The following ARMC3 variants were observed in gnomAD, a reference collection of about 807,000 sequenced individuals.
The protein encoded by ARMC3 is armadillo repeat containing 3.
A neutral mutation model predicts 90.3 loss-of-function variants in ARMC3; 74 were observed. The ratio of observed to expected loss-of-function variants is 0.82; its 90% CI spans 0.68 to 0.99. The LOEUF (loss-of-function observed/expected upper bound fraction) is 0.99. Among genes scored for constraint, ARMC3 ranks in the 50% least tolerant of loss-of-function variants. ARMC3 has a pLI of 0.00. For missense variants in ARMC3, 958 were observed against 1,042.8 expected (o/e 0.92, Z 1.12); for synonymous variants, 334 against 361.8 (o/e 0.92, Z 0.87).
intron 4 of ARMC3, among the ~76,000 whole-genome samples, chr10:22,958,234 G>A (rs1835031817): frequency 6.6e-6 from 1 of 152,050 alleles, no homozygotes; most frequent in South Asian, 2.1e-4. Context: ...ACTTTAATTA[G>A]GCTGACAAAA....
At chr10:22,981,776 T>A in intron 10 of ARMC3, 76 bp downstream of exon 10, 1 of 1,230,494 alleles carries the variant, frequency 8.1e-7, no homozygotes, top group Non-Finnish European at 1.2e-6. Flanking sequence ...GTTAGTATAT[T>A]GACTTTCACG....
intron 6 of ARMC3, chr10:22,960,776 A>C (rs1447689214): frequency 6.6e-6 from 1 of 152,292 alleles, no homozygotes; most frequent in Non-Finnish European, 1.5e-5. Context: ...GGAGGCCAGA[A>C]GTCCAAAATC....
chr10:22,987,390 G>T (rs1034407257), intron 10 of ARMC3, among the ~76,000 whole-genome samples: 2 of 152,088 alleles, frequency 1.3e-5, no homozygotes, highest in African/African-American at 4.8e-5. Flanking sequence ...GTTGTTCCAA[G>T]AAGAAAAAGG....
intron 3 of ARMC3, among the ~76,000 whole-genome samples, chr10:22,947,805 G>A (rs1834593670): frequency 6.6e-6 from 1 of 152,010 alleles, no homozygotes; most frequent in Non-Finnish European, 1.5e-5. Context: ...AACTAACATT[G>A]TTGTAAAACA....
intron 16 of ARMC3, among the ~76,000 whole-genome samples, chr10:23,015,364 A>G (rs1340300909): frequency 6.6e-6 from 1 of 152,190 alleles, no homozygotes; most frequent in Non-Finnish European, 1.5e-5. Flanking sequence ...TCTTCACCGA[A>G]ACCAACATAT....
At chr10:22,958,553 C>T (rs888608950) in intron 4 of ARMC3, among the ~76,000 whole-genome samples, 4 of 152,142 alleles carry the variant, frequency 2.6e-5, no homozygotes, top group Admixed American at 6.5e-5. Flanking sequence ...AAGTACAGCT[C>T]ATGATCGAGG....
At chr10:22,973,036 G>A (rs1835743305) in intron 8 of ARMC3, among the ~76,000 whole-genome samples, 1 of 152,042 alleles carries the variant, frequency 6.6e-6, no homozygotes, top group Non-Finnish European at 1.5e-5. Context: ...GCTCACACCT[G>A]TAATCCTAGC....
rs1835536243 is a variant in ARMC3, at chr10:22,968,381, A to T, written c.808A>T (p.Ile270Phe). 5 of 1,613,896 alleles carry T rather than the reference A, an allele frequency of 3.1e-6. No homozygotes were observed. In the South Asian group the frequency reaches 5.5e-5, roughly 18 times the overall value. ...CLEDMDTMVQ[I>F]QQTGGLKKLL... is the part of the protein sequence containing the mutation. ...TGAAGACATGGATACTATGGTGCAG[A>T]TTCAGCAGACAGGGGGTCTTAAAAA... Residue 270 changes from isoleucine (I) to phenylalanine (F), a missense_variant, in exon 8 of 19, where the codon ATT (isoleucine) becomes TTT (phenylalanine). Transcript: ENST00000298032.
chr10:22,969,217 T>C (rs1489398989), intron 8 of ARMC3, among the ~76,000 whole-genome samples: 1 of 152,166 alleles, frequency 6.6e-6, no homozygotes, highest in Non-Finnish European at 1.5e-5. Context: ...CATAATACAA[T>C]TTGCATTTCA....
chr10:22,965,852 G>C (rs1835417389), intron 7 of ARMC3, among the ~76,000 whole-genome samples: 1 of 152,056 alleles, frequency 6.6e-6, no homozygotes, highest in Non-Finnish European at 1.5e-5. Flanking sequence ...TTCCATGTTT[G>C]AAGTTTCATT....
chr10:22,975,333 T>A (rs2131317422), intron 8 of ARMC3, among the ~76,000 whole-genome samples: 1 of 152,270 alleles, frequency 6.6e-6, no homozygotes, highest in East Asian at 1.9e-4. Context: ...GGCGGGTGGA[T>A]CACCTGAGGT....
At position 22,959,448 on chromosome 10, in the gene ARMC3, T is replaced by C. The variant is rs765847718; in HGVS notation, c.411T>C (p.Ser137=). The C allele has an allele frequency of 1.9e-6, 3 of 1,613,164 alleles. No homozygotes were observed. Among genetic ancestry groups the C allele is most frequent in the African/African-American group, 1.3e-5 (1 of 74,890 alleles). The change falls in exon 6 of 19, where the codon TCT becomes TCC. Residue 137 remains serine, a synonymous_variant. Coordinates refer to ENST00000298032, the MANE Select transcript of ARMC3 (RefSeq NM_173081.5). The stretch of plus-strand genomic sequence containing the variant: ...CTAGTCTTTGTCTAGCAAACATGTC[T>C]GCAGAGTACACCAGTAAAGTGCAAA... The part of the protein sequence containing the change: ...EFASLCLANM[S]AEYTSKVQIF...
intron 11 of ARMC3, among the ~76,000 whole-genome samples, chr10:22,999,812 C>T (rs903365097): frequency 1.3e-5 from 2 of 152,214 alleles, no homozygotes; most frequent in African/African-American, 4.8e-5. Flanking sequence ...GATCTCTATT[C>T]TGTCTCCCTT....
At chr10:22,986,836 G>C (rs977286387) in intron 10 of ARMC3, among the ~76,000 whole-genome samples, 1 of 151,698 alleles carries the variant, frequency 6.6e-6, no homozygotes, top group African/African-American at 2.4e-5. Flanking sequence ...ACTTAAAGTG[G>C]GTACAAATAT....
chr10:22,932,847 G>A (rs932558058), intron 2 of ARMC3, among the ~76,000 whole-genome samples: 2 of 152,210 alleles, frequency 1.3e-5, no homozygotes, highest in East Asian at 3.9e-4. Context: ...AGCCAGCTCT[G>A]CCTCTTACCA....
At chr10:23,014,032 C>G (rs1460162489) in intron 16 of ARMC3, 1 of 1,523,462 alleles carries the variant, frequency 6.6e-7, no homozygotes, top group East Asian at 2.5e-5. Flanking sequence ...CAAATATAAA[C>G]AAATGAGAAT....
At chr10:23,023,519 A>G (rs1838592839) in intron 16 of ARMC3, among the ~76,000 whole-genome samples, 1 of 152,228 alleles carries the variant, frequency 6.6e-6, no homozygotes, top group Non-Finnish European at 1.5e-5. Flanking sequence ...CCACATGAAG[A>G]TAAATCAGTT....
intron 3 of ARMC3, among the ~76,000 whole-genome samples, chr10:22,949,852 A>G (rs1264710304): frequency 6.6e-6 from 1 of 152,178 alleles, no homozygotes; most frequent in Non-Finnish European, 1.5e-5. Flanking sequence ...AAAATCTTAA[A>G]AGAAGCCAGA....
chr10:23,035,761 C>T (rs1839103367), intron 18 of ARMC3, among the ~76,000 whole-genome samples: 3 of 152,066 alleles, frequency 2.0e-5, no homozygotes, highest in Admixed American at 2.0e-4. Context: ...CTACAGGCCA[C>T]TCCTCTATAG....
Sources: gnomAD v4.1 joint callset for allele counts (sites outside exome capture counted in the v4.1 genomes callset) on GRCh38, gnomAD v4.1.1 for gene constraint, MANE v1.5 for transcripts, NCBI Gene and HGNC (gene_info 2026-07-23, HGNC 2026-07-21) for gene names.